ASTN2: variants seen among roughly 807,000 people sequenced by gnomAD.
ASTN2 encodes the protein astrotactin-2.
ASTN2 carries 54 observed loss-of-function variants against 139.8 expected under a neutral mutation model. The ratio of observed to expected loss-of-function variants is 0.39; its 90% CI spans 0.31 to 0.48. ASTN2 has a LOEUF of 0.48. Ranked by LOEUF, ASTN2 falls within the 20% of genes least tolerant of loss-of-function variation. The probability of loss-of-function intolerance (pLI) is 0.95; values close to 1 mark genes in which losing one functional copy is unlikely to be tolerated. For missense variants in ASTN2, 1,565 were observed against 1,725.1 expected (o/e 0.91, Z 1.64); for synonymous variants, 756 against 719.5 (o/e 1.05, Z -0.81).
Position 117,034,296 on chromosome 9 carries a change from A to G in ASTN2, c.1423+5523T>C, listed in dbSNP as rs143662346. On this transcript the variant is annotated intron_variant, in intron 6 of 22. Coordinates refer to ENST00000313400, the MANE Select transcript of ASTN2 (RefSeq NM_001365068.1). Reference sequence around the variant, plus strand: ...TAAGATAGGTGTTTAATATTAACCAATAACTATTTCTCAATGAGGCTAACT... The same window carrying G: ...TAAGATAGGTGTTTAATATTAACCAGTAACTATTTCTCAATGAGGCTAACT... 1.7e-3 allele frequency among the ~76,000 whole-genome samples: 256 copies of G among 152,296 alleles called. 1 individual carries two copies. The highest frequency in any genetic ancestry group is 5.8e-3 in the African/African-American group (241 of 41,574).
intron 19 of ASTN2, among the ~76,000 whole-genome samples, chr9:116,539,493 G>A (rs1210718689): frequency 6.6e-6 from 1 of 152,164 alleles, no homozygotes; most frequent in Non-Finnish European, 1.5e-5. Flanking sequence ...AGAAAAGGCA[G>A]ACACTGAATG....
At chr9:116,864,208 C>T (rs1832962580) in intron 10 of ASTN2, among the ~76,000 whole-genome samples, 1 of 152,156 alleles carries the variant, frequency 6.6e-6, no homozygotes, top group African/African-American at 2.4e-5. Flanking sequence ...GGGCACATCC[C>T]TATTATTCCA....
intron 16 of ASTN2, chr9:116,686,786 T>A: frequency 1.3e-6 from 2 of 1,550,620 alleles, no homozygotes; most frequent in Non-Finnish European, 1.7e-6. Flanking sequence ...AAACATTCCT[T>A]TACAGAGCAA....
intron 22 of ASTN2, among the ~76,000 whole-genome samples, chr9:116,430,914 G>T (rs982369375): frequency 6.6e-6 from 1 of 152,226 alleles, no homozygotes; most frequent in Non-Finnish European, 1.5e-5. Context: ...GGTCAGGCAT[G>T]CTTCAAGCTT....
intron 11 of ASTN2, among the ~76,000 whole-genome samples, chr9:116,852,229 G>A (rs1332823945): frequency 2.6e-5 from 4 of 152,170 alleles, no homozygotes; most frequent in Admixed American, 2.0e-4. Flanking sequence ...ATGGCCCTGG[G>A]TTTTGCTCAT....
At chr9:117,048,414 T>A (rs992913901) in intron 5 of ASTN2, among the ~76,000 whole-genome samples, 2 of 152,184 alleles carry the variant, frequency 1.3e-5, no homozygotes, top group African/African-American at 4.8e-5. Context: ...TGGAGCCAAA[T>A]GATTATTGAC....
At chr9:116,691,979 G>T (rs369671745) in intron 16 of ASTN2, among the ~76,000 whole-genome samples, 1 of 152,188 alleles carries the variant, frequency 6.6e-6, no homozygotes, top group East Asian at 1.9e-4. Context: ...TTTACATGTT[G>T]TCTAGTTTTT....
At chr9:116,442,635 T>C in intron 20 of ASTN2, 82 bp from the exon 21 acceptor site, 1 of 1,085,864 alleles carries the variant, frequency 9.2e-7, no homozygotes, top group Non-Finnish European at 1.4e-6. Flanking sequence ...CAGAGAGTCA[T>C]GGCACATGAG....
At chr9:116,781,680 A>G (rs1830222654) in intron 13 of ASTN2, among the ~76,000 whole-genome samples, 1 of 152,134 alleles carries the variant, frequency 6.6e-6, no homozygotes. Context: ...ACATTTTTTT[A>G]TAATTACATT....
chr9:116,478,714 G>T (rs1849071672), intron 20 of ASTN2, among the ~76,000 whole-genome samples: 1 of 152,000 alleles, frequency 6.6e-6, no homozygotes. Flanking sequence ...ACAGCCTCAG[G>T]CTGGGCGCAG....
intron 16 of ASTN2, among the ~76,000 whole-genome samples, chr9:116,720,523 CTCTT>C (rs1828442103): frequency 6.6e-6 from 1 of 151,956 alleles, no homozygotes. Flanking sequence ...TTGTCTATCT[CTCTT>C]TGTTTTTCTG....
At chr9:117,350,402 T>G (rs142587726) in intron 1 of ASTN2, among the ~76,000 whole-genome samples, 395 of 151,850 alleles carry the variant, frequency 2.6e-3, no homozygotes, top group Middle Eastern at 0.01. Flanking sequence ...TACAAAAAAT[T>G]AGCCAAGCGT....
At chr9:117,354,050 T>A (rs568876732) in intron 1 of ASTN2, among the ~76,000 whole-genome samples, 8 of 152,062 alleles carry the variant, frequency 5.3e-5, no homozygotes, top group Non-Finnish European at 1.0e-4. Context: ...TGGGTGACAA[T>A]GATGTGTCTA....
At chr9:116,874,969 AACTT>A (rs568186299) in intron 10 of ASTN2, among the ~76,000 whole-genome samples, 23 of 152,300 alleles carry the variant, frequency 1.5e-4, no homozygotes, top group Non-Finnish European at 3.1e-4. Context: ...TAAAGCGGCC[AACTT>A]ACTTGGTAAA....
At position 116,815,804 on chromosome 9, in the gene ASTN2, CAAAAAAAA is replaced by C. The variant is rs55954354; in HGVS notation, c.2207+4805_2207+4812del. Among the ~76,000 whole-genome samples the C allele has an allele frequency of 9.5e-4, 23 of 24,108 alleles. 1 individual carries two copies. In the East Asian group the frequency reaches 0.015, roughly 16 times the overall value. 15.8% of individuals were successfully genotyped at this position (24,108 alleles called of 152,430 possible). A position where few individuals can be genotyped will look rare whatever the true frequency, so the allele number is the denominator to read the frequency against. Reference sequence around the variant, plus strand: ...TGGGCAACAGAGCGAGACTCCGTCTCAAAAAAAAAAAAAAAAAAAAAAAAGTTGATGAA... The same window carrying C: ...TGGGCAACAGAGCGAGACTCCGTCTCAAAAAAAAAAAAAAAAGTTGATGAA... On this transcript the variant is annotated intron_variant, in intron 12 of 22. Coordinates refer to ENST00000313400, the MANE Select transcript of ASTN2 (RefSeq NM_001365068.1).
chr9:117,269,188 T>C (rs1266237366), intron 2 of ASTN2, among the ~76,000 whole-genome samples: 1 of 152,168 alleles, frequency 6.6e-6, no homozygotes, highest in African/African-American at 2.4e-5. Flanking sequence ...CCAAGGTGCT[T>C]ACATTTCAGC....
chr9:116,745,934 G>C (rs1422936523), intron 13 of ASTN2, among the ~76,000 whole-genome samples: 4 of 152,068 alleles, frequency 2.6e-5, no homozygotes, highest in Non-Finnish European at 4.4e-5. Flanking sequence ...GGGATTCTGG[G>C]CTAACATCTA....
intron 16 of ASTN2, among the ~76,000 whole-genome samples, chr9:116,687,608 G>T (rs1238104195): frequency 1.3e-5 from 2 of 151,214 alleles, no homozygotes; most frequent in Non-Finnish European, 3.0e-5. Context: ...TGCAGCTGGG[G>T]GAGGGGAGCG....
At chr9:116,953,642 GTTTT>G (rs2132490570) in intron 10 of ASTN2, among the ~76,000 whole-genome samples, 1 of 152,166 alleles carries the variant, frequency 6.6e-6, no homozygotes, top group African/African-American at 2.4e-5. Context: ...TTGATTTTTT[GTTTT>G]TTTAACAACA....
Sources: gnomAD v4.1 joint callset for allele counts (sites outside exome capture counted in the v4.1 genomes callset) on GRCh38, gnomAD v4.1.1 for gene constraint, MANE v1.5 for transcripts, NCBI Gene and HGNC (gene_info 2026-07-23, HGNC 2026-07-21) for gene names.